Variants in NKAIN2 observed in about 807,000 individuals in gnomAD.
NKAIN2 encodes sodium/potassium-transporting ATPase subunit beta-1-interacting protein 2.
NKAIN2 carries 14 observed loss-of-function variants against 32.6 expected under a neutral mutation model. The observed-to-expected ratio is 0.43, with a 90% CI of 0.28 to 0.67. The LOEUF (loss-of-function observed/expected upper bound fraction) is 0.67. Ranked by LOEUF, NKAIN2 falls within the 30% of genes least tolerant of loss-of-function variation. The probability of loss-of-function intolerance (pLI) is 0.17; values close to 1 mark genes in which losing one functional copy is unlikely to be tolerated. For synonymous variants in NKAIN2, 80 were observed against 87.2 expected, an observed-to-expected ratio of 0.92 and a Z score of 0.46; for missense variants, 198 against 258.3, an observed-to-expected ratio of 0.77 and a Z score of 1.60.
chr6:124,190,325 A>G (rs1789953227), intron 1 of NKAIN2, among the ~76,000 whole-genome samples: 1 of 152,256 alleles, frequency 6.6e-6, no homozygotes, highest in Non-Finnish European at 1.5e-5. Context: ...AATGTTAGCA[A>G]TTACCTTAAA....
At position 124,005,779 on chromosome 6, in the gene NKAIN2, G is replaced by A. The variant is rs561503386; in HGVS notation, c.54+201525G>A. Among the ~76,000 whole-genome samples the A allele has an allele frequency of 1.1e-4, 17 of 152,254 alleles. No homozygotes were observed. In the East Asian group the frequency reaches 3.3e-3, roughly 29 times the overall value. On this transcript the variant is annotated intron_variant, in intron 1 of 6. Transcript: ENST00000368417. ...GGTATGGTTATATCAGGGTGACAGT[G>A]GTACAAGATTCAGAGCTGGTTTTTG...
chr6:124,432,150 A>G (rs2114567875), intron 3 of NKAIN2, among the ~76,000 whole-genome samples: 1 of 152,326 alleles, frequency 6.6e-6, no homozygotes, highest in Non-Finnish European at 1.5e-5. Flanking sequence ...ATTTACTGCC[A>G]TGCTTCAGAA....
intron 3 of NKAIN2, among the ~76,000 whole-genome samples, chr6:124,545,477 G>A (rs974776746): frequency 2.0e-5 from 3 of 151,966 alleles, no homozygotes; most frequent in African/African-American, 4.8e-5. Context: ...CAAATCTTAT[G>A]GTGAGAATCT....
chr6:123,997,702 C>T (rs917244397), intron 1 of NKAIN2, among the ~76,000 whole-genome samples: 54 of 146,108 alleles, frequency 3.7e-4, no homozygotes, highest in Non-Finnish European at 7.1e-4. Flanking sequence ...CTTCCAGGTT[C>T]ACACCATTCT....
intron 1 of NKAIN2, among the ~76,000 whole-genome samples, chr6:124,090,989 C>T (rs1562352332): frequency 6.6e-6 from 1 of 151,748 alleles, no homozygotes; most frequent in Non-Finnish European, 1.5e-5. Flanking sequence ...AATTGCACAC[C>T]CCTTTAAATC....
chr6:123,824,329 T>C lies in NKAIN2; in HGVS notation c.54+20075T>C, dbSNP rs17086179. Among the ~76,000 whole-genome samples the C allele has an allele frequency of 9.6e-3, 1,464 of 152,200 alleles. 28 individuals carry two copies. Among genetic ancestry groups the C allele is most frequent in the African/African-American group, 0.034 (1,397 of 41,534 alleles). ...CTGAACTATTATACATGAACATGAT[T>C]ATCTGTATTGTAAAGGGCAGCAAGC... On this transcript the variant is annotated intron_variant, in intron 1 of 6. Coordinates refer to ENST00000368417, the MANE Select transcript of NKAIN2 (RefSeq NM_001040214.3).
chr6:124,408,229 T>G (rs1003398537), intron 3 of NKAIN2, among the ~76,000 whole-genome samples: 3 of 152,146 alleles, frequency 2.0e-5, no homozygotes, highest in South Asian at 2.1e-4. Flanking sequence ...TTTTGGCTTT[T>G]GTTGCCATTG....
At chr6:124,648,939 A>T (rs1407850167) in intron 3 of NKAIN2, among the ~76,000 whole-genome samples, 1 of 152,218 alleles carries the variant, frequency 6.6e-6, no homozygotes, top group East Asian at 1.9e-4. Context: ...ATTTTGAACT[A>T]AATGGAAATT....
At chr6:124,112,820 A>C (rs1298494996) in intron 1 of NKAIN2, among the ~76,000 whole-genome samples, 3 of 148,822 alleles carry the variant, frequency 2.0e-5, no homozygotes, top group Non-Finnish European at 4.5e-5. Context: ...GTTCGCTGAT[A>C]CTTTCTTCTG....
intron 1 of NKAIN2, among the ~76,000 whole-genome samples, chr6:124,071,819 A>G (rs925418716): frequency 1.3e-5 from 2 of 152,106 alleles, no homozygotes; most frequent in African/African-American, 4.8e-5. Context: ...AAAAAGTCAA[A>G]AAGCAGTCAA....
intron 4 of NKAIN2, among the ~76,000 whole-genome samples, chr6:124,777,721 T>C (rs1174165702): frequency 6.6e-6 from 1 of 152,054 alleles, no homozygotes; most frequent in East Asian, 1.9e-4. Flanking sequence ...AGAAAGGGAT[T>C]TAGAAGGAAT....
intron 1 of NKAIN2, among the ~76,000 whole-genome samples, chr6:124,169,469 C>T (rs1482402251): frequency 6.6e-6 from 1 of 152,104 alleles, no homozygotes; most frequent in African/African-American, 2.4e-5. Context: ...CTACATTTTA[C>T]AATCCATGGC....
intron 1 of NKAIN2, among the ~76,000 whole-genome samples, chr6:123,992,663 T>C (rs1415543430): frequency 6.6e-6 from 1 of 152,170 alleles, no homozygotes; most frequent in Admixed American, 6.5e-5. Flanking sequence ...GAAATCACAT[T>C]AATTGCTTCT....
intron 1 of NKAIN2, among the ~76,000 whole-genome samples, chr6:124,223,215 A>C (rs1475322382): frequency 7.6e-6 from 1 of 131,594 alleles, no homozygotes; most frequent in South Asian, 2.3e-4. Flanking sequence ...TCCATCTCAA[A>C]AAAAAAAAAA....
At chr6:124,138,541 A>G (rs528615554) in intron 1 of NKAIN2, among the ~76,000 whole-genome samples, 22 of 151,350 alleles carry the variant, frequency 1.5e-4, no homozygotes, top group Non-Finnish European at 2.5e-4. Context: ...TTGCATGTCT[A>G]TGTTTATAGC....
chr6:123,848,884 C>T (rs1366953507), intron 1 of NKAIN2, among the ~76,000 whole-genome samples: 3 of 152,170 alleles, frequency 2.0e-5, no homozygotes, highest in Admixed American at 2.0e-4. Context: ...AAAGAGTTCC[C>T]ACTACTACAT....
chr6:124,258,034 C>G (rs1025400335), intron 1 of NKAIN2, among the ~76,000 whole-genome samples: 7 of 151,956 alleles, frequency 4.6e-5, no homozygotes, highest in Non-Finnish European at 1.0e-4. Context: ...ATTGCCTCGG[C>G]CTCCCAAAGT....
At chr6:124,381,538 C>T (rs1377931275) in intron 3 of NKAIN2, among the ~76,000 whole-genome samples, 1 of 152,082 alleles carries the variant, frequency 6.6e-6, no homozygotes, top group Non-Finnish European at 1.5e-5. Flanking sequence ...TGTTACAGCC[C>T]TTAACTATAA....
At chr6:124,097,096 G>A (rs1456735255) in intron 1 of NKAIN2, among the ~76,000 whole-genome samples, 1 of 152,048 alleles carries the variant, frequency 6.6e-6, no homozygotes, top group South Asian at 2.1e-4. Context: ...GAAAACACAG[G>A]AATTTTCAGT....
Sources: allele counts gnomAD v4.1 joint callset (sites outside exome capture counted in the v4.1 genomes callset), GRCh38; gene constraint gnomAD v4.1.1; transcripts MANE v1.5; gene names NCBI Gene and HGNC (gene_info 2026-07-23, HGNC 2026-07-21).